The following ATP6V1C2 variants were observed in gnomAD, a reference collection of about 807,000 sequenced individuals.
ATP6V1C2 encodes V-type proton ATPase subunit C 2.
Under a neutral mutation model 56.8 loss-of-function variants are expected in ATP6V1C2, and 45 were observed. The ratio of observed to expected loss-of-function variants is 0.79; its 90% CI spans 0.62 to 1.02. ATP6V1C2 has a LOEUF of 1.02. Ranked by LOEUF, ATP6V1C2 falls within the 50% of genes least tolerant of loss-of-function variation. ATP6V1C2 has a pLI of 0.00. For missense variants in ATP6V1C2, 463 were observed against 519.7 expected, an observed-to-expected ratio of 0.89 and a Z score of 1.06; for synonymous variants, 220 against 201.3, an observed-to-expected ratio of 1.09 and a Z score of -0.79.
intron 3 of ATP6V1C2, among the ~76,000 whole-genome samples, chr2:10,727,051 T>TCCTC (rs1406983437): frequency 1.8e-3 from 21 of 11,984 alleles, no homozygotes; most frequent in African/African-American, 3.3e-3. Context: ...CTTCCTTCCT[T>TCCTC]CCTCCCTCCC....
chr2:10,749,130 CAAAA>C (rs56095492), intron 3 of ATP6V1C2, among the ~76,000 whole-genome samples: 2,637 of 94,808 alleles, frequency 0.028, 80 homozygotes, highest in African/African-American at 0.093. Context: ...AACTCCGTCT[CAAAA>C]AAAAAAAAAA....
At chr2:10,729,381 C>G (rs1305794364) in intron 3 of ATP6V1C2, among the ~76,000 whole-genome samples, 2 of 151,854 alleles carry the variant, frequency 1.3e-5, no homozygotes, top group Non-Finnish European at 2.9e-5. Flanking sequence ...CCAGGCTGGT[C>G]TCGAACTCCT....
At chr2:10,750,390 G>T (rs917572705) in intron 3 of ATP6V1C2, among the ~76,000 whole-genome samples, 1 of 151,990 alleles carries the variant, frequency 6.6e-6, no homozygotes, top group Non-Finnish European at 1.5e-5. Flanking sequence ...GGTGACGGGT[G>T]CCTGTAGTCC....
At chr2:10,777,118 T>C (rs1225196781) in intron 10 of ATP6V1C2, among the ~76,000 whole-genome samples, 1 of 152,082 alleles carries the variant, frequency 6.6e-6, no homozygotes, top group Admixed American at 6.5e-5. Context: ...TGGGAAAGGG[T>C]GAGTGTCCTA....
chr2:10,751,540 C>T (rs899783414), intron 3 of ATP6V1C2, among the ~76,000 whole-genome samples: 33 of 152,226 alleles, frequency 2.2e-4, no homozygotes, highest in African/African-American at 5.5e-4. Context: ...TGCCATCGCA[C>T]GGATGGAGAT....
At position 10,726,552 on chromosome 2, in the gene ATP6V1C2, C is replaced by T. The variant is rs748192171; in HGVS notation, c.180C>T (p.Leu60=). The T allele has an allele frequency of 2.3e-5, 37 of 1,613,590 alleles. No individual in the cohort carries two copies. Among genetic ancestry groups the T allele is most frequent in the Middle Eastern group, 1.6e-4 (1 of 6,078 alleles). Residue 60 remains leucine (L), a synonymous_variant, in exon 3 of 14, where the codon CTC becomes CTT. Coordinates refer to ENST00000272238, the MANE Select transcript of ATP6V1C2 (RefSeq NM_001039362.2). ...GCCTCTCTGATGAGTTGGGGAAACT[C>T]GACACCTTTGCTGAAAGGTAAAATA... is the stretch of plus-strand genomic sequence containing the variant. ...LVGLSDELGK[L]DTFAESLIRR...
intron 6 of ATP6V1C2, 105 bp from the exon 7 acceptor site, chr2:10,771,734 C>T: frequency 1.2e-6 from 1 of 833,798 alleles, no homozygotes; most frequent in Non-Finnish European, 2.1e-6. Flanking sequence ...TGGCACCCAC[C>T]CTTCCTTGAG....
rs116399199 is a variant in ATP6V1C2, at chr2:10,775,322, T to G, written c.825+251T>G. ...CCCACCCAAGCTGGCGCTTTCCACA[T>G]GTGTTCTCACTGGTCCTGAGCACCG... On this transcript the variant is annotated intron_variant, in intron 10 of 13. Coordinates refer to ENST00000272238, the MANE Select transcript of ATP6V1C2 (RefSeq NM_001039362.2). Among the ~76,000 whole-genome samples, 258 of 152,302 alleles carry G rather than the reference T, an allele frequency of 1.7e-3. 1 individual carries two copies. Among genetic ancestry groups the G allele is most frequent in the African/African-American group, 6.1e-3 (252 of 41,578 alleles).
chr2:10,765,609 A>G (rs147239207), intron 5 of ATP6V1C2, among the ~76,000 whole-genome samples: 41 of 152,350 alleles, frequency 2.7e-4, no homozygotes, highest in African/African-American at 6.5e-4. Flanking sequence ...TGCTGCTTAC[A>G]TCAGAGAGGC....
chr2:10,727,404 AAAAT>A (rs1156417573), intron 3 of ATP6V1C2, among the ~76,000 whole-genome samples: 1 of 151,562 alleles, frequency 6.6e-6, no homozygotes, highest in Non-Finnish European at 1.5e-5. Context: ...AAAAAAAAAA[AAAAT>A]AGCTAGATGT....
chr2:10,728,637 A>T (rs1422071846), intron 3 of ATP6V1C2, among the ~76,000 whole-genome samples: 2 of 151,988 alleles, frequency 1.3e-5, no homozygotes, highest in African/African-American at 4.8e-5. Flanking sequence ...TTAGCTGGGT[A>T]TGGTGGTATG....
chr2:10,777,756 G>C, intron 11 of ATP6V1C2, 34 bp downstream of exon 11: 1 of 1,583,902 alleles, frequency 6.3e-7, no homozygotes, highest in Non-Finnish European at 8.5e-7. Flanking sequence ...GGGGTCCCTG[G>C]CTCACATCTC....
chr2:10,739,416 A>ACTAGCTAGACTTCCTGACCC (rs763194770), intron 3 of ATP6V1C2, among the ~76,000 whole-genome samples: 71 of 152,158 alleles, frequency 4.7e-4, no homozygotes, highest in Non-Finnish European at 6.9e-4. Context: ...TAGCTTCCTG[A>ACTAGCTAGACTTCCTGACCC]CTAGCTAGAC....
chr2:10,779,278 T>C (rs933173243), intron 12 of ATP6V1C2, among the ~76,000 whole-genome samples: 4 of 151,432 alleles, frequency 2.6e-5, no homozygotes, highest in African/African-American at 9.7e-5. Flanking sequence ...CTAATTTTTT[T>C]ATATTTTTAG....
chr2:10,744,730 G>A (rs1301651268), intron 3 of ATP6V1C2, among the ~76,000 whole-genome samples: 19 of 146,974 alleles, frequency 1.3e-4, no homozygotes, highest in South Asian at 2.1e-4. Context: ...GTGCAGTGGC[G>A]TGATCTCGGC....
At chr2:10,732,229 C>T (rs1175958086) in intron 3 of ATP6V1C2, among the ~76,000 whole-genome samples, 1 of 152,018 alleles carries the variant, frequency 6.6e-6, no homozygotes, top group African/African-American at 2.4e-5. Context: ...ATCCCTCCCT[C>T]TCCCTCTCTC....
intron 3 of ATP6V1C2, among the ~76,000 whole-genome samples, chr2:10,743,993 AAAAATAAT>A (rs1397374566): frequency 1.2e-4 from 4 of 34,538 alleles, no homozygotes; most frequent in Non-Finnish European, 4.6e-4. Context: ...AAAAAAAAAA[AAAAATAAT>A]AATAATAAAT....
intron 5 of ATP6V1C2, among the ~76,000 whole-genome samples, chr2:10,766,008 T>TG (rs1309437876): frequency 6.6e-6 from 1 of 152,138 alleles, no homozygotes; most frequent in Non-Finnish European, 1.5e-5. Flanking sequence ...CCTCATGCCA[T>TG]GGGGTGGACA....
intron 3 of ATP6V1C2, chr2:10,744,172 C>A (rs1662732085): frequency 6.6e-6 from 1 of 152,044 alleles, no homozygotes; most frequent in Admixed American, 6.6e-5. Context: ...CAGAGTGCGA[C>A]CCTGTCTCGA....
Sources: gnomAD v4.1 joint callset for allele counts (sites outside exome capture counted in the v4.1 genomes callset) on GRCh38, gnomAD v4.1.1 for gene constraint, MANE v1.5 for transcripts, NCBI Gene and HGNC (gene_info 2026-07-23, HGNC 2026-07-21) for gene names.